MSN: variants seen among roughly 807,000 people sequenced by gnomAD.
MSN encodes moesin, also known as epididymis luminal protein 70.
Under a neutral mutation model 48.0 loss-of-function variants are expected in MSN, and 2 were observed. The observed-to-expected ratio is 0.04, with a 90% CI of 0.02 to 0.13. The LOEUF (loss-of-function observed/expected upper bound fraction) is 0.13. MSN is among the 10% of genes least tolerant of loss of function. The pLI is 1.00. For synonymous variants in MSN, 146 were observed against 166.9 expected (o/e 0.87, Z 0.97); for missense variants, 267 against 470.1 (o/e 0.57, Z 3.99).
intron 4 of MSN, 34 bp from the exon 5 acceptor site, chrX:65,731,073 G>A: frequency 8.8e-7 from 1 of 1,137,299 alleles, no homozygotes. Flanking sequence ...GGGACTTTGT[G>A]CTTTAAACTA....
chrX:65,699,577 G>A (rs2071280170), intron 1 of MSN, among the ~76,000 whole-genome samples: 1 of 109,161 alleles, frequency 9.2e-6, no homozygotes, highest in Non-Finnish European at 1.9e-5. Flanking sequence ...GTGAAACACC[G>A]TCTCTACTAA....
At chrX:65,697,363 C>G (rs1421582602) in intron 1 of MSN, among the ~76,000 whole-genome samples, 1 of 111,718 alleles carries the variant, frequency 9.0e-6, no homozygotes, top group Admixed American at 9.5e-5. Flanking sequence ...GAGGCTCTCC[C>G]TGAATATTCA....
chrX:65,711,089 G>T (rs1024907658), intron 1 of MSN, among the ~76,000 whole-genome samples: 21 of 106,924 alleles, frequency 2.0e-4, no homozygotes, highest in Admixed American at 7.0e-4. Context: ...ATGGAGTTTT[G>T]CTCTTTTTGC....
intron 1 of MSN, among the ~76,000 whole-genome samples, chrX:65,660,481 T>C (rs1477279542): frequency 1.8e-5 from 2 of 111,705 alleles, no homozygotes. Flanking sequence ...TTTTATTTCT[T>C]TATCTTGCCT....
intron 11 of MSN, 39 bp downstream of exon 11, chrX:65,738,656 G>T: frequency 1.8e-6 from 2 of 1,119,322 alleles, no homozygotes; most frequent in Non-Finnish European, 1.2e-6. Flanking sequence ...TGAAGGAATG[G>T]GTGCCATATG....
At position 65,716,751 on chromosome X, in the gene MSN, C is replaced by A. The variant is rs758501149; in HGVS notation, c.13-67C>A. 1.2e-5 allele frequency: 12 copies of A among 985,576 alleles called. No homozygotes were observed. The Admixed American group carries it at 2.7e-4, about 22-fold the overall frequency. The allele number at this position is 985,576 out of a possible 1,213,427, so 81.2% of individuals were successfully genotyped here. A position where few individuals can be genotyped will look rare whatever the true frequency, so the allele number is the denominator to read the frequency against. On this transcript the variant is annotated intron_variant, in intron 1 of 12. Transcript: ENST00000360270. ...TCCTTCCTCTGTGGTTGAGCAGAGA[C>A]ACTTGTCTCAGGCTCTGTTGAACAC...
At chrX:65,669,823 C>T (rs999424098) in intron 1 of MSN, among the ~76,000 whole-genome samples, 1 of 109,214 alleles carries the variant, frequency 9.2e-6, no homozygotes, top group Non-Finnish European at 1.9e-5. Context: ...GTACAACTCT[C>T]TTAAAAAAAA....
chrX:65,633,159 A>G (rs1374293239), intron 1 of MSN, among the ~76,000 whole-genome samples: 1 of 111,534 alleles, frequency 9.0e-6, no homozygotes, highest in Non-Finnish European at 1.9e-5. Context: ...GCAAGGACCT[A>G]CTTGTTACAA....
chrX:65,611,262 C>T (rs1438489608), intron 1 of MSN, among the ~76,000 whole-genome samples: 5 of 108,539 alleles, frequency 4.6e-5, no homozygotes, highest in African/African-American at 1.0e-4. Flanking sequence ...CAGGTTCAAG[C>T]GATTCTCCTG....
intron 1 of MSN, among the ~76,000 whole-genome samples, chrX:65,592,607 G>A (rs1165038717): frequency 1.8e-5 from 2 of 111,451 alleles, no homozygotes; most frequent in South Asian, 3.7e-4. Context: ...GTCAATATTA[G>A]TCACAATACC....
intron 1 of MSN, among the ~76,000 whole-genome samples, chrX:65,655,518 C>T (rs1274213313): frequency 8.9e-6 from 1 of 112,022 alleles, no homozygotes; most frequent in Non-Finnish European, 1.9e-5. Context: ...TAACCTTTGT[C>T]AACAAACTTT....
intron 2 of MSN, among the ~76,000 whole-genome samples, chrX:65,717,906 G>A (rs1479645931): frequency 8.9e-6 from 1 of 111,751 alleles, no homozygotes; most frequent in Non-Finnish European, 1.9e-5. Flanking sequence ...AAAGAAGGAG[G>A]TAGTGTTCAA....
At chrX:65,691,867 C>A (rs753133275) in intron 1 of MSN, among the ~76,000 whole-genome samples, 1 of 111,382 alleles carries the variant, frequency 9.0e-6, no homozygotes, top group Non-Finnish European at 1.9e-5. Flanking sequence ...AGAAGGTAGG[C>A]ACTCCTGAAT....
intron 1 of MSN, among the ~76,000 whole-genome samples, chrX:65,659,984 A>T (rs998912245): frequency 1.8e-5 from 2 of 110,666 alleles, no homozygotes; most frequent in South Asian, 7.7e-4. Flanking sequence ...TGGGGGGACT[A>T]TCAGAAGTTT....
chrX:65,737,354 G>T lies in MSN; in HGVS notation c.1251+16G>T. 1 of 1,197,499 alleles carries T rather than the reference G, an allele frequency of 8.4e-7. No homozygotes were observed. The highest frequency in any genetic ancestry group is 1.1e-6 in the Non-Finnish European group (1 of 888,669). On this transcript the variant is annotated intron_variant, in intron 10 of 12. Transcript: ENST00000360270. ...GGAACAGCTGGTAAAGCTGTAGGGT[G>T]GGCTGGGATTATGGGAACTGAACTT... is the stretch of plus-strand genomic sequence containing the variant.
chrX:65,726,854 TC>T (rs748398871), intron 2 of MSN, among the ~76,000 whole-genome samples: 1 of 111,424 alleles, frequency 9.0e-6, no homozygotes, highest in East Asian at 2.8e-4. Flanking sequence ...ACTGCTGCCA[TC>T]GACAGTGGTG....
At chrX:65,653,035 A>G (rs2070753639) in intron 1 of MSN, among the ~76,000 whole-genome samples, 1 of 111,746 alleles carries the variant, frequency 8.9e-6, no homozygotes, top group Non-Finnish European at 1.9e-5. Flanking sequence ...AACCAGTCAT[A>G]TGGCAGTATA....
chrX:65,697,255 A>G (rs2071253726), intron 1 of MSN, among the ~76,000 whole-genome samples: 2 of 111,517 alleles, frequency 1.8e-5, no homozygotes, highest in South Asian at 3.8e-4. Flanking sequence ...AGTCCCCCAT[A>G]CAAGCCCAAC....
At chrX:65,685,933 AAAAC>A (rs752649312) in intron 1 of MSN, among the ~76,000 whole-genome samples, 55 of 112,120 alleles carry the variant, frequency 4.9e-4, no homozygotes, top group South Asian at 1.5e-3. Flanking sequence ...GACTGGCTTA[AAAAC>A]AAACAAACAA....
Sources: gnomAD v4.1 joint callset for allele counts (sites outside exome capture counted in the v4.1 genomes callset) on GRCh38, gnomAD v4.1.1 for gene constraint, MANE v1.5 for transcripts, NCBI Gene and HGNC (gene_info 2026-07-23, HGNC 2026-07-21) for gene names.